Variants in GALK1 observed in about 807,000 individuals in gnomAD.
The protein encoded by GALK1 is galactokinase 1, also known as galactokinase.
A neutral mutation model predicts 38.6 loss-of-function variants in GALK1; 30 were observed. The observed-to-expected ratio is 0.78, with a 90% CI of 0.58 to 1.05. The LOEUF is 1.05. Ranked by LOEUF, GALK1 falls within the 50% of genes least tolerant of loss-of-function variation. GALK1 has a pLI of 0.00. For synonymous variants in GALK1, 240 were observed against 233.6 expected, an observed-to-expected ratio of 1.03 and a Z score of -0.25; for missense variants, 512 against 540.5, an observed-to-expected ratio of 0.95 and a Z score of 0.52.
chr17:75,754,600 A>G (rs758577110), downstream of GALK1: 1 of 1,613,700 alleles, frequency 6.2e-7, no homozygotes, highest in Non-Finnish European at 8.5e-7. Context: ...GGCCGGATGG[A>G]CTTTGCCTTC....
At chr17:75,757,687 T>A (rs773180511), downstream of GALK1, 2 of 1,299,452 alleles carry the variant, frequency 1.5e-6, no homozygotes, top group East Asian at 4.7e-5. Context: ...AGGGGCTAGG[T>A]GTCTCCTGGG....
At chr17:75,754,455 G>T (rs1256518843), downstream of GALK1, 2 of 1,272,808 alleles carry the variant, frequency 1.6e-6, no homozygotes, top group Admixed American at 1.7e-5. Flanking sequence ...AGGGAAACTG[G>T]TTGTATTTAA....
chr17:75,763,126 C>T lies in GALK1; in HGVS notation c.499G>A (p.Ala167Thr), dbSNP rs372078515. 5.6e-6 allele frequency: 9 copies of T among 1,611,830 alleles called. No homozygotes were observed. The highest frequency in any genetic ancestry group is 4.0e-5 in the African/African-American group (3 of 74,918). Residue 167 changes from alanine (A) to threonine (T), a missense_variant, in exon 4 of 8, where the codon GCC becomes ACC. Coordinates refer to ENST00000588479, the MANE Select transcript of GALK1 (RefSeq NM_000154.2). ...CPDSGTIAAR[A>T]QVCQQAEHSF... ...TGCTCGGCCTGCTGACACACCTGGGCGCGGGCAGCTATTGTGCCCGAGTCT... is the reference window on the plus strand; with the variant it reads ...TGCTCGGCCTGCTGACACACCTGGGTGCGGGCAGCTATTGTGCCCGAGTCT...
chr17:75,765,149 C>G lies in GALK1; in HGVS notation c.-13G>C. 1.3e-6 allele frequency: 2 copies of G among 1,524,666 alleles called. No homozygotes were observed. The highest frequency in any genetic ancestry group is 1.8e-6 in the Non-Finnish European group (2 of 1,139,374). The allele number at this position is 1,524,666 out of a possible 1,614,324, so 94.4% of individuals were successfully genotyped here. On this transcript the variant is annotated 5_prime_UTR_variant, in exon 1 of 8. Coordinates refer to ENST00000588479, the MANE Select transcript of GALK1 (RefSeq NM_000154.2). Reference sequence around the variant, plus strand: ...TCAAAGCAGCCATGACGCGCGCCTGCAGCTCTGCACAGCTGCTCCGGCACA... The same window carrying G: ...TCAAAGCAGCCATGACGCGCGCCTGGAGCTCTGCACAGCTGCTCCGGCACA...
In GALK1 at chr17:75,757,925, AGAG is replaced by A. The variant is rs1277814607; in HGVS notation, c.*128_*130del. 9.7e-7 allele frequency: 1 copy of A among 1,027,930 alleles called. No homozygotes were observed. The highest frequency in any genetic ancestry group is 1.6e-5 in the African/African-American group (1 of 63,474). 63.7% of individuals were successfully genotyped at this position (1,027,930 alleles called of 1,614,324 possible). ...GACACCCAAGCATACACCCACCTCT[AGAG>A]GAGGCAGGTACCACATTGGAGGCAC... On this transcript the variant is annotated 3_prime_UTR_variant, in exon 8 of 8. Coordinates refer to ENST00000588479, the MANE Select transcript of GALK1 (RefSeq NM_000154.2).
downstream of GALK1, chr17:75,756,829 C>A (rs1162837029): frequency 6.2e-7 from 1 of 1,612,438 alleles, no homozygotes; most frequent in South Asian, 1.1e-5. Flanking sequence ...CGTCGGCTAC[C>A]TGGTGACCTG....
chr17:75,759,433 A>AAAAAAAG lies in GALK1; in HGVS notation c.794-835_794-834insCTTTTTT, dbSNP rs10670567. Among the ~76,000 whole-genome samples the AAAAAAAG allele has an allele frequency of 3.2e-3, 486 of 149,560 alleles. 1 individual carries two copies. Among genetic ancestry groups the AAAAAAAG allele is most frequent in the African/African-American group, 0.012 (466 of 39,588 alleles). On this transcript the variant is annotated intron_variant, in intron 5 of 7. Coordinates refer to ENST00000588479, the MANE Select transcript of GALK1 (RefSeq NM_000154.2). ...ACAGAGTGAGGCTCCCTCTCAAAAA[A>AAAAAAAG]AAAGAAAGAAAGAAAGAAAGAAATG...
In GALK1 at chr17:75,763,904, G is replaced by C; in HGVS notation, c.348C>G (p.Tyr116Ter). The stretch of plus-strand genomic sequence containing the variant: ...CAGGCCTGGGCCCCATACCTGGGTA[G>C]TACTGAATCACTCCCTTGACATAGT... Reference protein sequence around the residue: ...WANYVKGVIQYYPAAPLPGFS... With the variant: ...WANYVKGVIQ The change falls in exon 2 of 8, where the codon TAC becomes TAG. Residue 116 changes from tyrosine to a stop codon, truncating the protein, a stop_gained. Coordinates refer to ENST00000588479, the MANE Select transcript of GALK1 (RefSeq NM_000154.2). LOFTEE classifies it high-confidence loss of function. 6.2e-7 allele frequency: 1 copy of C among 1,613,858 alleles called. No homozygotes were observed. Among genetic ancestry groups the C allele is most frequent in the Non-Finnish European group, 8.5e-7 (1 of 1,179,976 alleles).
downstream of GALK1, chr17:75,755,680 A>ACATCT: frequency 6.2e-7 from 1 of 1,612,326 alleles, no homozygotes; most frequent in South Asian, 1.1e-5. Flanking sequence ...TCTCTGGCTG[A>ACATCT]CTGCGGCCTC....
downstream of GALK1, chr17:75,757,173 TCTGA>T: frequency 1.9e-6 from 3 of 1,611,702 alleles, no homozygotes; most frequent in South Asian, 2.2e-5. Context: ...GGCACCACCC[TCTGA>T]CTGGCCTATC....
downstream of GALK1, chr17:75,755,306 C>T: frequency 2.2e-6 from 3 of 1,345,794 alleles, no homozygotes; most frequent in Non-Finnish European, 3.0e-6. Flanking sequence ...CCACTGCTTC[C>T]CCTCCATTCC....
At chr17:75,752,164 T>C in intron 8 of GALK1, 3 of 1,613,902 alleles carry the variant, frequency 1.9e-6, no homozygotes, top group Non-Finnish European at 2.5e-6. Context: ...AAGCACTCTC[T>C]CTGCCCCAGG....
At chr17:75,754,954 G>GCA, downstream of GALK1, 1 of 1,260,860 alleles carries the variant, frequency 7.9e-7, no homozygotes, top group Non-Finnish European at 1.1e-6. Context: ...ACGCACACAC[G>GCA]TGCACACGCA....
At chr17:75,757,526 C>T (rs2061548558), downstream of GALK1, 2 of 1,613,344 alleles carry the variant, frequency 1.2e-6, no homozygotes, top group East Asian at 2.2e-5. Flanking sequence ...CCTTAGCACC[C>T]ACATGGACCA....
At chr17:75,763,733 C>G in intron 2 of GALK1, 164 bp downstream of exon 2, 1 of 821,822 alleles carries the variant, frequency 1.2e-6, no homozygotes, top group South Asian at 1.5e-5. Context: ...AAACCCAGGG[C>G]AAGTTCCCGA....
chr17:75,754,247 G>C (rs2061434993), downstream of GALK1, among the ~76,000 whole-genome samples: 1 of 152,208 alleles, frequency 6.6e-6, no homozygotes, highest in Non-Finnish European at 1.5e-5. Flanking sequence ...AGACCCCTCA[G>C]GGGCCTCAAA....
chr17:75,752,957 C>T (rs2061402130), downstream of GALK1, among the ~76,000 whole-genome samples: 1 of 152,216 alleles, frequency 6.6e-6, no homozygotes, highest in Non-Finnish European at 1.5e-5. Flanking sequence ...GCCAAGGAGA[C>T]AAGAACACCC....
chr17:75,761,238 A>G (rs1007476725), intron 5 of GALK1, among the ~76,000 whole-genome samples: 1 of 150,886 alleles, frequency 6.6e-6, no homozygotes, highest in South Asian at 2.1e-4. Context: ...AAAGATAAAT[A>G]AAAAAAGTTA....
rs779054525 is a variant in GALK1 at position 75,758,557 on chromosome 17, C to T, written c.836G>A (p.Arg279Gln). ...GCGCCGAATCTCCCCCACCACGTGC[C>T]GGGCCCGCCGGAAGCCCTCTTTGCT... ...LVSKEGFRRA[R>Q]HVVGEIRRTA... is the part of the protein sequence containing the mutation. Residue 279 changes from arginine (R) to glutamine (Q), a missense_variant, in exon 6 of 8, where the codon CGG becomes CAG. Coordinates refer to ENST00000588479, the MANE Select transcript of GALK1 (RefSeq NM_000154.2). 1.2e-5 allele frequency: 19 copies of T among 1,596,110 alleles called. No homozygotes were observed. The highest frequency in any genetic ancestry group is 2.2e-5 in the South Asian group (2 of 89,572).
Sources: allele counts gnomAD v4.1 joint callset (sites outside exome capture counted in the v4.1 genomes callset), GRCh38; gene constraint gnomAD v4.1.1; transcripts MANE v1.5; gene names NCBI Gene and HGNC (gene_info 2026-07-23, HGNC 2026-07-21).